Variants in PGLYRP4 observed in about 807,000 individuals in gnomAD.
PGLYRP4 encodes PGRP-I-beta.
PGLYRP4 carries 39 observed loss-of-function variants against 41.2 expected under a neutral mutation model. That is an observed-to-expected ratio of 0.95 (90% CI 0.73 to 1.24). The LOEUF is 1.24. Among genes scored for constraint, PGLYRP4 ranks in the 50% most tolerant of loss-of-function variants. The probability of loss-of-function intolerance (pLI) is 0.00; values close to 1 mark genes in which losing one functional copy is unlikely to be tolerated. For synonymous variants in PGLYRP4, 202 were observed against 186.8 expected (o/e 1.08, Z -0.66); for missense variants, 467 against 460.7 (o/e 1.01, Z -0.13).
intron 8 of PGLYRP4, among the ~76,000 whole-genome samples, chr1:153,336,196 G>A (rs1660552462): frequency 6.6e-6 from 1 of 151,358 alleles, no homozygotes; most frequent in South Asian, 2.1e-4. Flanking sequence ...CATGATGAAA[G>A]CCTGTCTCTA....
chr1:153,334,904 G>A (rs1338914700), intron 8 of PGLYRP4, among the ~76,000 whole-genome samples: 2 of 152,016 alleles, frequency 1.3e-5, no homozygotes, highest in African/African-American at 4.8e-5. Flanking sequence ...AAGCCACATA[G>A]CTACACACAA....
chr1:153,347,832 C>T (rs1188857753), intron 2 of PGLYRP4, 52 bp downstream of exon 2: 2 of 1,368,390 alleles, frequency 1.5e-6, no homozygotes, highest in African/African-American at 2.8e-5. Context: ...TATTATGAGA[C>T]TTTAGGATCA....
At chr1:153,339,013 T>G (rs112326012) in intron 7 of PGLYRP4, among the ~76,000 whole-genome samples, 41 of 152,286 alleles carry the variant, frequency 2.7e-4, no homozygotes, top group African/African-American at 8.7e-4. Context: ...ACATGTTCAG[T>G]GAATTGTAAT....
chr1:153,339,229 T>C (rs549077863), intron 7 of PGLYRP4, among the ~76,000 whole-genome samples: 152 of 152,328 alleles, frequency 1.0e-3, no homozygotes, highest in Non-Finnish European at 1.8e-3. Context: ...AAATTTACAG[T>C]CCATTTTCAG....
chr1:153,334,011 G>A (rs1028840098), intron 8 of PGLYRP4, among the ~76,000 whole-genome samples: 1 of 151,922 alleles, frequency 6.6e-6, no homozygotes, highest in African/African-American at 2.4e-5. Context: ...AGACAAAGAT[G>A]CCCACTTTCA....
intron 6 of PGLYRP4, among the ~76,000 whole-genome samples, chr1:153,340,812 A>T (rs1233751680): frequency 6.6e-6 from 1 of 152,212 alleles, no homozygotes; most frequent in Non-Finnish European, 1.5e-5. Context: ...TTTGTAATCC[A>T]TGAAACTCTC....
intron 4 of PGLYRP4, among the ~76,000 whole-genome samples, chr1:153,344,548 A>T (rs1660924118): frequency 6.6e-6 from 1 of 152,208 alleles, no homozygotes; most frequent in Admixed American, 6.5e-5. Context: ...TGTGTTGGGC[A>T]CTTGAGGCAG....
Position 153,337,239 on chromosome 1 carries a change from G to A in PGLYRP4, c.885C>T (p.Ser295=). Residue 295 remains serine (S), a synonymous_variant, in exon 8 of 9, where the codon TCC becomes TCT. Coordinates refer to ENST00000359650, the MANE Select transcript of PGLYRP4 (RefSeq NM_020393.4). The stretch of plus-strand genomic sequence containing the variant: ...CAATGTCATCGTAGCCAGGGGTGGA[G>A]GAGCCTTGGACATTCCAGCCCACCC... ...YEGVGWNVQG[S]STPGYDDIAL... The A allele has an allele frequency of 6.2e-7, 1 of 1,613,898 alleles. No individual in the cohort carries two copies. The highest frequency in any genetic ancestry group is 8.5e-7 in the Non-Finnish European group (1 of 1,179,904).
At chr1:153,343,712 G>A (rs1660892290) in intron 4 of PGLYRP4, among the ~76,000 whole-genome samples, 1 of 152,194 alleles carries the variant, frequency 6.6e-6, no homozygotes, top group South Asian at 2.1e-4. Context: ...ATCTAACAGA[G>A]CAGGAGCACC....
chr1:153,341,715 C>T lies in PGLYRP4; in HGVS notation c.537G>A (p.Lys179=). Residue 179 remains lysine, a synonymous_variant, in exon 6 of 9, where the codon AAG becomes AAA. Transcript: ENST00000359650. ...MENLITYAVQ[K]GHLSSSYVQP... ...GAACATAACTGGATGACAGGTGGCC[C>T]TTCTGGACAGCATAGGTGATTAGGT... The T allele has an allele frequency of 6.2e-7, 1 of 1,614,030 alleles. No homozygotes were observed. The highest frequency in any genetic ancestry group is 8.5e-7 in the Non-Finnish European group (1 of 1,180,004).
In PGLYRP4 at chr1:153,345,196, T is replaced by C. The variant is rs1364226343; in HGVS notation, c.326A>G (p.Asn109Ser). ...GTAGGCCACATCACACCCACTGTTG[T>C]TGTGGACATGATGGGCCTGCAGTTC... ...LRELQAHHVH[N>S]NSGCDVAYNF... The change falls in exon 4 of 9, where the codon AAC becomes AGC. Residue 109 changes from asparagine (N) to serine (S), a missense_variant. Asn to Ser is a conservative substitution (Grantham distance 46, BLOSUM62 1). Coordinates refer to ENST00000359650, the MANE Select transcript of PGLYRP4 (RefSeq NM_020393.4). 5 of 1,613,212 alleles carry C rather than the reference T, an allele frequency of 3.1e-6. No homozygotes were observed. Among genetic ancestry groups the C allele is most frequent in the African/African-American group, 2.7e-5 (2 of 75,022 alleles).
At position 153,343,070 on chromosome 1, in the gene PGLYRP4, T is replaced by A; in HGVS notation, c.472+20A>T. The A allele has an allele frequency of 6.8e-7, 1 of 1,464,658 alleles. No homozygotes were observed. The highest frequency in any genetic ancestry group is 9.6e-7 in the Non-Finnish European group (1 of 1,044,272). The allele number at this position is 1,464,658 out of a possible 1,614,324, so 90.7% of individuals were successfully genotyped here. On this transcript the variant is annotated intron_variant, in intron 5 of 8. Coordinates refer to ENST00000359650, the MANE Select transcript of PGLYRP4 (RefSeq NM_020393.4). ...GGATTAGAGAACTCTTTGGAGAAGG[T>A]CAGCTGTGATAACTGTTACCTTTCT...
At chr1:153,340,255 G>A in intron 7 of PGLYRP4, 126 bp downstream of exon 7, 2 of 800,836 alleles carry the variant, frequency 2.5e-6, no homozygotes, top group Non-Finnish European at 4.1e-6. Flanking sequence ...AATTCATTTG[G>A]TTATCCATAC....
chr1:153,337,867 C>T (rs1660633861), intron 7 of PGLYRP4, among the ~76,000 whole-genome samples: 2 of 152,192 alleles, frequency 1.3e-5, no homozygotes, highest in South Asian at 4.1e-4. Flanking sequence ...TGCCACACCT[C>T]TTGACTTCTC....
intron 5 of PGLYRP4, among the ~76,000 whole-genome samples, chr1:153,342,125 C>G (rs533970856): frequency 1.3e-5 from 2 of 152,304 alleles, no homozygotes; most frequent in East Asian, 3.9e-4. Context: ...TCTTTGCCTA[C>G]AATAACTCAT....
intron 6 of PGLYRP4, among the ~76,000 whole-genome samples, chr1:153,341,158 T>C (rs767609885): frequency 2.0e-5 from 3 of 152,220 alleles, no homozygotes; most frequent in Non-Finnish European, 4.4e-5. Flanking sequence ...TATGAGTGTA[T>C]AAATATGTGT....
rs768345036 is a variant in PGLYRP4, at chr1:153,341,622, C to T, written c.625+5G>A. ...AGGCCCAGTAGGGCTGAAGAAAGGT[C>T]TTACCCTTCTTCAGGCTTGTCTTCT... On this transcript the variant is annotated splice_donor_5th_base_variant and intron_variant, in intron 6 of 8. Coordinates refer to ENST00000359650, the MANE Select transcript of PGLYRP4 (RefSeq NM_020393.4). 4 of 1,609,398 alleles carry T rather than the reference C, an allele frequency of 2.5e-6. No individual in the cohort carries two copies. In the South Asian group the frequency reaches 3.3e-5, roughly 13 times the overall value.
intron 8 of PGLYRP4, among the ~76,000 whole-genome samples, chr1:153,335,168 A>G (rs1660502904): frequency 2.0e-5 from 1 of 49,866 alleles, no homozygotes; most frequent in South Asian, 6.6e-4. Flanking sequence ...CTCAAAAGCA[A>G]ATGCAACAAA....
In PGLYRP4 at chr1:153,336,386, A is replaced by AAC. The variant is rs1303891265; in HGVS notation, c.943+794_943+795insGT. ...CTCCATCTCAAAAAAAAAAAAAAAA[A>AAC]AAAAAACAAAGAAAGAAAAGAAAAG... On this transcript the variant is annotated intron_variant, in intron 8 of 8. Coordinates refer to ENST00000359650, the MANE Select transcript of PGLYRP4 (RefSeq NM_020393.4). Among the ~76,000 whole-genome samples, 9 of 151,168 alleles carry AAC rather than the reference A, an allele frequency of 6.0e-5. No homozygotes were observed. In the South Asian group the frequency reaches 1.0e-3, roughly 18 times the overall value.
Sources: gnomAD v4.1 joint callset for allele counts (sites outside exome capture counted in the v4.1 genomes callset) on GRCh38, gnomAD v4.1.1 for gene constraint, MANE v1.5 for transcripts, NCBI Gene and HGNC (gene_info 2026-07-23, HGNC 2026-07-21) for gene names.